The following SLU7 variants were observed in gnomAD, a reference collection of about 807,000 sequenced individuals.
SLU7 encodes the protein pre-mRNA-splicing factor SLU7.
A neutral mutation model predicts 87.0 loss-of-function variants in SLU7; 60 were observed. The ratio of observed to expected loss-of-function variants is 0.69; its 90% CI spans 0.56 to 0.86. The LOEUF is 0.86. Among genes scored for constraint, SLU7 ranks in the 40% least tolerant of loss-of-function variants. The pLI, the probability that SLU7 is intolerant of heterozygous loss-of-function variation, is 0.00. For synonymous variants in SLU7, 197 were observed against 222.0 expected, an observed-to-expected ratio of 0.89 and a Z score of 1.00; for missense variants, 507 against 686.6, an observed-to-expected ratio of 0.74 and a Z score of 2.92.
At chr5:160,410,416 C>T (rs1765182046) in intron 6 of SLU7, among the ~76,000 whole-genome samples, 1 of 152,058 alleles carries the variant, frequency 6.6e-6, no homozygotes, top group Non-Finnish European at 1.5e-5. Flanking sequence ...ATCTTAATAT[C>T]CAAGCATCCT....
rs1305292282 is a variant in SLU7 at position 160,415,004 on chromosome 5, TAAA to T, written c.170+118_170+120del. On this transcript the variant is annotated intron_variant, in intron 2 of 15. Coordinates refer to ENST00000297151, the MANE Select transcript of SLU7 (RefSeq NM_006425.5). The stretch of plus-strand genomic sequence containing the variant: ...CCATATGCATATGAGTTTGATAAAA[TAAA>T]AAACAAAAATGACATAAATGAAGAG... 5.8e-6 allele frequency: 5 copies of T among 856,866 alleles called. No homozygotes were observed. The East Asian group carries it at 1.3e-4, about 23-fold the overall frequency. 53.1% of individuals were successfully genotyped at this position (856,866 alleles called of 1,614,324 possible).
At position 160,401,903 on chromosome 5, in the gene SLU7, C is replaced by A. The variant is rs946268315; in HGVS notation, c.*1382G>T. 1.3e-5 allele frequency: 2 copies of A among 152,190 alleles called. No homozygotes were observed. Among genetic ancestry groups the A allele is most frequent in the African/African-American group, 4.8e-5 (2 of 41,452 alleles). The allele number at this position is 152,190 out of a possible 1,614,324, so 9.4% of individuals were successfully genotyped here. A position where few individuals can be genotyped will look rare whatever the true frequency, so the allele number is the denominator to read the frequency against. Reference sequence around the variant, plus strand: ...CTGTTTCTGAGATGCTGACTTAATGCAGTATCCTACAGGTGGTTTTTGGTA... The same window carrying A: ...CTGTTTCTGAGATGCTGACTTAATGAAGTATCCTACAGGTGGTTTTTGGTA... On this transcript the variant is annotated 3_prime_UTR_variant, in exon 16 of 16. Transcript: ENST00000297151.
In SLU7 at chr5:160,408,659, A is replaced by C; in HGVS notation, c.678T>G (p.Asn226Lys). 6.4e-7 allele frequency: 1 copy of C among 1,572,634 alleles called. No individual in the cohort carries two copies. Among genetic ancestry groups the C allele is most frequent in the Non-Finnish European group, 8.7e-7 (1 of 1,150,522 alleles). The stretch of plus-strand genomic sequence containing the variant: ...AGCAAATATGTATTACCATCTGAGA[A>C]TTTGGTTCCTCTTCTCCCCACTGGT... ...PKHQWGEEEPNSQMEKDHNSE... is the reference protein window; with the variant it reads ...PKHQWGEEEPKSQMEKDHNSE... Residue 226 changes from asparagine to lysine, a missense_variant, in exon 7 of 16, where the codon AAT becomes AAG. Physicochemically the swap from Asn to Lys is moderately conservative, Grantham distance 94. Around this residue, in one of 6 missense-constraint regions of SLU7, gnomAD observed 155 missense variants for 154.4 expected, o/e 1.00. Transcript: ENST00000297151.
chr5:160,415,166 T>C lies in SLU7; in HGVS notation c.129A>G (p.Arg43=). Residue 43 remains arginine (R), a synonymous_variant, in exon 2 of 16, where the codon CGA becomes CGG. Transcript: ENST00000297151. ...CTTCTGCAGGAGCATTGCCCAATTT[T>C]CGCTGTTCTTCTAGCTCCTTCTTCT... is the stretch of plus-strand genomic sequence containing the variant. ...WRKKKELEEQ[R]KLGNAPAEVD... is the part of the protein sequence containing the mutation. The C allele has an allele frequency of 2.5e-6, 4 of 1,611,090 alleles. No homozygotes were observed. The highest frequency in any genetic ancestry group is 3.4e-6 in the Non-Finnish European group (4 of 1,178,880).
In SLU7 at chr5:160,406,576, C is replaced by A; in HGVS notation, c.1179G>T (p.Gln393His). The A allele has an allele frequency of 6.2e-7, 1 of 1,613,348 alleles. No individual in the cohort carries two copies. The highest frequency in any genetic ancestry group is 1.1e-5 in the South Asian group (1 of 91,032). ...DAPPAELLLA[Q>H]TEDYVEYSRH... ...TTGAGTACTCCACATAGTCTTCAGT[C>A]TGGGCTAAAAGCAATTCAGCTGGAG... The change falls in exon 12 of 16, where the codon CAG (glutamine) becomes CAT (histidine). Residue 393 changes from glutamine (Q) to histidine (H), a missense_variant. Gln to His is a conservative substitution (Grantham distance 24, BLOSUM62 0). Around this residue, in one of 6 missense-constraint regions of SLU7, gnomAD observed 43 missense variants for 58.4 expected, o/e 0.74. Coordinates refer to ENST00000297151, the MANE Select transcript of SLU7 (RefSeq NM_006425.5).
rs1764870435 is a variant in SLU7, at chr5:160,403,412, A to G, written c.1634T>C (p.Ile545Thr). 6.2e-7 allele frequency: 1 copy of G among 1,612,988 alleles called. No individual in the cohort carries two copies. The highest frequency in any genetic ancestry group is 8.5e-7 in the Non-Finnish European group (1 of 1,179,628). ...RLLHVKETMQIDERKRPYNSM... is the reference protein window; with the variant it reads ...RLLHVKETMQTDERKRPYNSM... ...ATTGTAAGGCCGCTTCCTCTCATCA[A>G]TCTGCATGGTCTCCTTGACATGAAG... The change falls in exon 16 of 16, where the codon ATT (isoleucine) becomes ACT (threonine). Residue 545 changes from isoleucine (I) to threonine (T), a missense_variant. By Grantham distance (89) the Ile-to-Thr change is moderately conservative. This residue lies in a region of SLU7 where 201 missense variants were observed against 213.4 expected (regional missense o/e 0.94). Transcript: ENST00000297151.
intron 12 of SLU7, among the ~76,000 whole-genome samples, chr5:160,406,161 CTA>C (rs1321752020): frequency 6.6e-6 from 1 of 152,032 alleles, no homozygotes; most frequent in Non-Finnish European, 1.5e-5. Context: ...TATACATAAA[CTA>C]TATGTGTGTA....
intron 6 of SLU7, among the ~76,000 whole-genome samples, chr5:160,409,285 C>T (rs1019672586): frequency 7.9e-5 from 12 of 152,068 alleles, no homozygotes; most frequent in African/African-American, 2.4e-4. Context: ...GGCCAAACTC[C>T]TTGTCACAAG....
chr5:160,404,397 T>C, intron 15 of SLU7, 43 bp downstream of exon 15: 1 of 1,212,374 alleles, frequency 8.2e-7, no homozygotes, highest in Non-Finnish European at 1.2e-6. Context: ...AAACAAAGAA[T>C]ACTGCTACTT....
At chr5:160,411,821 T>C (rs1201014383) in intron 6 of SLU7, among the ~76,000 whole-genome samples, 1 of 152,124 alleles carries the variant, frequency 6.6e-6, no homozygotes. Context: ...CTTTCATTCA[T>C]ATAAAAAATG....
chr5:160,413,456 C>T lies in SLU7; in HGVS notation c.570G>A (p.Leu190=), dbSNP rs200526822. 3.7e-6 allele frequency: 6 copies of T among 1,612,560 alleles called. No homozygotes were observed. The highest frequency in any genetic ancestry group is 5.1e-6 in the Non-Finnish European group (6 of 1,179,446). Reference sequence around the variant, plus strand: ...CAGGAAAGCAGGGAATTTTGCTCACCAAATCAACTTTGGCATACTCTTCAA... The same window carrying T: ...CAGGAAAGCAGGGAATTTTGCTCACTAAATCAACTTTGGCATACTCTTCAA... The part of the protein sequence containing the change: ...KIVEEYAKVD[L]AKRTLKAQKL... Residue 190 remains leucine (L), a splice_region_variant and synonymous_variant, in exon 5 of 16, where the codon TTG becomes TTA. Transcript: ENST00000297151.
At chr5:160,410,320 GT>G (rs1311491239) in intron 6 of SLU7, among the ~76,000 whole-genome samples, 1 of 151,820 alleles carries the variant, frequency 6.6e-6, no homozygotes, top group Non-Finnish European at 1.5e-5. Context: ...ATTTTTTTGA[GT>G]TCCCACTATT....
intron 5 of SLU7, 36 bp from the exon 6 acceptor site, chr5:160,412,555 AG>A: frequency 7.5e-7 from 1 of 1,325,788 alleles, no homozygotes; most frequent in Non-Finnish European, 1.0e-6. Context: ...AGAAAGAAAA[AG>A]TAAACATTTA....
intron 6 of SLU7, among the ~76,000 whole-genome samples, chr5:160,409,681 AAATT>A (rs540650794): frequency 8.5e-5 from 13 of 152,344 alleles, no homozygotes; most frequent in African/African-American, 3.1e-4. Context: ...GGAAAAAATC[AAATT>A]AATAGATCAC....
Position 160,404,374 on chromosome 5 carries a change from A to G in SLU7, c.1581+66T>C, listed in dbSNP as rs1764909785. The G allele has an allele frequency of 1.4e-5, 15 of 1,062,918 alleles. No homozygotes were observed. In the East Asian group the frequency reaches 3.6e-4, roughly 25 times the overall value. The allele number at this position is 1,062,918 out of a possible 1,614,324, so 65.8% of individuals were successfully genotyped here. A position where few individuals can be genotyped will look rare whatever the true frequency, so the allele number is the denominator to read the frequency against. ...AGCAAGACCCTGTCTCAAAAAAATAAAAACAACCCAAAAAACAAAGAATAC... is the reference window on the plus strand; with the variant it reads ...AGCAAGACCCTGTCTCAAAAAAATAGAAACAACCCAAAAAACAAAGAATAC... On this transcript the variant is annotated intron_variant, in intron 15 of 15. Coordinates refer to ENST00000297151, the MANE Select transcript of SLU7 (RefSeq NM_006425.5).
intron 1 of SLU7, among the ~76,000 whole-genome samples, chr5:160,417,684 C>T (rs1044237137): frequency 6.7e-6 from 1 of 150,082 alleles, no homozygotes; most frequent in African/African-American, 2.5e-5. Context: ...CCTAGCTACT[C>T]GGGAGGCTGA....
chr5:160,414,006 A>G, intron 3 of SLU7, 27 bp from the exon 4 acceptor site: 1 of 1,356,538 alleles, frequency 7.4e-7, no homozygotes, highest in Non-Finnish European at 1.0e-6. Context: ...AGAAAAACAA[A>G]AATGTCTTAA....
Position 160,413,498 on chromosome 5 carries a change from T to C in SLU7, c.528A>G (p.Glu176=). 6.2e-7 allele frequency: 1 copy of C among 1,614,022 alleles called. No homozygotes were observed. Among genetic ancestry groups the C allele is most frequent in the Non-Finnish European group, 8.5e-7 (1 of 1,179,924 alleles). The change falls in exon 5 of 16, where the codon GAA becomes GAG. Residue 176 remains glutamate (E), a synonymous_variant. Coordinates refer to ENST00000297151, the MANE Select transcript of SLU7 (RefSeq NM_006425.5). Reference sequence around the variant, plus strand: ...ACTCTTCAACAATTTTCATGTGTTCTTCTGGATTGTAGCCATTCCACCGAT... The same window carrying C: ...ACTCTTCAACAATTTTCATGTGTTCCTCTGGATTGTAGCCATTCCACCGAT... The part of the protein sequence containing the change: ...KRDRWNGYNP[E]EHMKIVEEYA...
intron 6 of SLU7, among the ~76,000 whole-genome samples, chr5:160,410,567 T>TA (rs959735182): frequency 5.3e-5 from 8 of 150,642 alleles, no homozygotes; most frequent in South Asian, 2.1e-4. Flanking sequence ...TTAAAGTATA[T>TA]AAAAAAAAAA....
Sources: gnomAD v4.1 joint callset for allele counts (sites outside exome capture counted in the v4.1 genomes callset) on GRCh38, gnomAD v4.1.1 for gene constraint, gnomAD v4.1.1 regional missense constraint, MANE v1.5 for transcripts, NCBI Gene and HGNC (gene_info 2026-07-23, HGNC 2026-07-21) for gene names.